CNGB1: variants seen among roughly 807,000 people sequenced by gnomAD.
CNGB1 encodes cyclic nucleotide gated channel subunit beta 1.
In CNGB1, 126 loss-of-function variants were observed where a neutral mutation model predicts 151.7. The ratio of observed to expected loss-of-function variants is 0.83; its 90% confidence interval spans 0.72 to 0.96. The LOEUF (loss-of-function observed/expected upper bound fraction) is 0.96, where lower values mean the gene tolerates loss of function less well. CNGB1 is among the 40% of genes least tolerant of loss of function. The probability of loss-of-function intolerance (pLI) is 0.00; values close to 1 mark genes in which losing one functional copy is unlikely to be tolerated. For synonymous variants in CNGB1, 623 were observed against 635.1 expected (o/e 0.98, Z 0.29); for missense variants, 1,698 against 1,627.0 (o/e 1.04, Z -0.75).
chr16:57,959,310 G>GA (rs775478486), intron 10 of CNGB1, among the ~76,000 whole-genome samples: 269 of 142,418 alleles, frequency 1.9e-3, no homozygotes, highest in Middle Eastern at 3.7e-3. Context: ...TTCAGGTTAA[G>GA]AAAAAAAAAA....
At chr16:57,897,093 A>G (rs1960249688) in intron 31 of CNGB1, among the ~76,000 whole-genome samples, 1 of 152,138 alleles carries the variant, frequency 6.6e-6, no homozygotes, top group Non-Finnish European at 1.5e-5. Flanking sequence ...TGAGCCCAGG[A>G]GTTTGATACC....
chr16:57,939,318 G>C, intron 16 of CNGB1, 112 bp downstream of exon 16: 1 of 1,477,582 alleles, frequency 6.8e-7, no homozygotes, highest in Non-Finnish European at 9.4e-7. Flanking sequence ...GGCAATGGGG[G>C]GAAGGAGATG....
rs539534716 is a variant in CNGB1, at chr16:57,931,728, G to A, written c.1523C>T (p.Ser508Leu). ...CATAAAAGGTAACCTGTGTGTCCCC[G>A]AGGCTGAGCTTGGGACTATAAGGGT... is the stretch of plus-strand genomic sequence containing the variant. The part of the protein sequence containing the change: ...SDTLIVPSSA[S>L]GTHRKKLPSE... Residue 508 changes from serine (S) to leucine (L), a missense_variant, in exon 17 of 33, where the codon TCG becomes TTG. Ser to Leu is a moderately radical substitution (Grantham distance 145, BLOSUM62 -2). Transcript: ENST00000251102. 43 of 1,614,122 alleles carry A rather than the reference G, an allele frequency of 2.7e-5. No individual in the cohort carries two copies. The East Asian group carries it at 7.1e-4, about 27-fold the overall frequency.
chr16:57,916,056 G>T, intron 22 of CNGB1, 73 bp downstream of exon 22: 1 of 1,428,002 alleles, frequency 7.0e-7, no homozygotes, highest in Non-Finnish European at 9.9e-7. Context: ...GAACGCCCCA[G>T]GCACCCAGGG....
At chr16:57,901,759 A>G (rs767572686) in intron 27 of CNGB1, 134 bp from the exon 28 acceptor site, 12 of 735,692 alleles carry the variant, frequency 1.6e-5, no homozygotes, top group African/African-American at 3.5e-5. Flanking sequence ...CTGGATTTGT[A>G]GTGCACCCTC....
chr16:57,907,009 T>C (rs1450702158), intron 25 of CNGB1, among the ~76,000 whole-genome samples: 2 of 152,222 alleles, frequency 1.3e-5, no homozygotes, highest in African/African-American at 4.8e-5. Flanking sequence ...AAAGTTGTTA[T>C]TCTTCATGCT....
Position 57,884,346 on chromosome 16 carries a change from G to A in CNGB1, c.3574C>T (p.Pro1192Ser), listed in dbSNP as rs758569244. 3.9e-6 allele frequency: 6 copies of A among 1,555,300 alleles called. No individual in the cohort carries two copies. The highest frequency in any genetic ancestry group is 3.7e-5 in the Admixed American group (2 of 53,542). Residue 1192 changes from proline (P) to serine (S), a missense_variant, in exon 33 of 33, where the codon CCC becomes TCC. Coordinates refer to ENST00000251102, the MANE Select transcript of CNGB1 (RefSeq NM_001297.5). ...GGAGAGCTCGGTGGAGACCCCGGGG[G>A]CTCGGGGGGCGTCCGGGGCGCGGGT... is the stretch of plus-strand genomic sequence containing the variant. ...DPPAPRTPPE[P>S]PGSPPSSPPP...
chr16:57,965,948 G>T (rs542776571), intron 2 of CNGB1, among the ~76,000 whole-genome samples: 1 of 152,100 alleles, frequency 6.6e-6, no homozygotes, highest in Admixed American at 6.5e-5. Context: ...GTACATATAC[G>T]TGTATATACA....
At chr16:57,918,297 A>T (rs1328796891) in intron 20 of CNGB1, among the ~76,000 whole-genome samples, 3 of 152,052 alleles carry the variant, frequency 2.0e-5, no homozygotes, top group African/African-American at 7.2e-5. Context: ...TAAAGAATCC[A>T]GTGGACACCA....
chr16:57,960,831 T>C lies in CNGB1; in HGVS notation c.534+9A>G. The C allele has an allele frequency of 6.2e-7, 1 of 1,613,574 alleles. No individual in the cohort carries two copies. Among genetic ancestry groups the C allele is most frequent in the Admixed American group, 1.7e-5 (1 of 59,974 alleles). ...ACTCAACTCCCTGCCTCTCCCTTCC[T>C]TGGCTCACCTCAGAGGATTTGGGGG... On this transcript the variant is annotated intron_variant, in intron 8 of 32. Transcript: ENST00000251102.
At chr16:57,968,324 C>A (rs1333945733) in intron 1 of CNGB1, among the ~76,000 whole-genome samples, 7 of 152,094 alleles carry the variant, frequency 4.6e-5, no homozygotes, top group Admixed American at 4.6e-4. Context: ...TGGGGAAGCC[C>A]CTTGTCTACT....
rs1358550811 is a variant in CNGB1, at chr16:57,905,596, C to T, written c.2493-721G>A. 2.6e-5 allele frequency among the ~76,000 whole-genome samples: 4 copies of T among 152,254 alleles called. No individual in the cohort carries two copies. The East Asian group carries it at 7.7e-4, about 29-fold the overall frequency. Reference sequence around the variant, plus strand: ...CTGAATGTGTCCCCCGAAATTCAGGCATTGGAAACTTAATTCCCAGTGCAA... The same window carrying T: ...CTGAATGTGTCCCCCGAAATTCAGGTATTGGAAACTTAATTCCCAGTGCAA... On this transcript the variant is annotated intron_variant, in intron 25 of 32. Coordinates refer to ENST00000251102, the MANE Select transcript of CNGB1 (RefSeq NM_001297.5).
intron 18 of CNGB1, among the ~76,000 whole-genome samples, chr16:57,920,891 C>T (rs1227968520): frequency 6.6e-6 from 1 of 152,168 alleles, no homozygotes; most frequent in Non-Finnish European, 1.5e-5. Context: ...CTGTTCATCC[C>T]AGTGCAGGGT....
chr16:57,905,228 T>C (rs1960514320), intron 25 of CNGB1, among the ~76,000 whole-genome samples: 1 of 152,232 alleles, frequency 6.6e-6, no homozygotes, highest in African/African-American at 2.4e-5. Context: ...TCAGTGTTCC[T>C]TCAATTTTCA....
intron 2 of CNGB1, 85 bp from the exon 3 acceptor site, chr16:57,964,629 T>A (rs1962345820): frequency 2.3e-6 from 3 of 1,315,784 alleles, no homozygotes; most frequent in Admixed American, 3.4e-5. Context: ...CCTCAAGGGA[T>A]CCCTGCCCCA....
chr16:57,954,583 C>T (rs1184813505), intron 12 of CNGB1: 8 of 768,716 alleles, frequency 1.0e-5, no homozygotes, highest in African/African-American at 1.9e-5. Flanking sequence ...AACCCAACAC[C>T]GCAAGCCCAG....
At chr16:57,930,220 G>T (rs1212398134) in intron 17 of CNGB1, among the ~76,000 whole-genome samples, 1 of 152,152 alleles carries the variant, frequency 6.6e-6, no homozygotes, top group African/African-American at 2.4e-5. Flanking sequence ...AATGTGGGCT[G>T]TGTTGGCAGC....
intron 31 of CNGB1, among the ~76,000 whole-genome samples, chr16:57,893,121 A>G (rs1190384351): frequency 6.6e-6 from 1 of 152,120 alleles, no homozygotes; most frequent in East Asian, 1.9e-4. Context: ...CAGTTTATTT[A>G]TGGTGTCATT....
At position 57,917,424 on chromosome 16, in the gene CNGB1, G is replaced by A; in HGVS notation, c.2010C>T (p.Asn670=). 3.7e-6 allele frequency: 6 copies of A among 1,614,188 alleles called. No individual in the cohort carries two copies. Among genetic ancestry groups the A allele is most frequent in the Non-Finnish European group, 5.1e-6 (6 of 1,180,034 alleles). The part of the protein sequence containing the change: ...LFFVVMAWNW[N]CWLIPVRWAF... Reference sequence around the variant, plus strand: ...CCCAGCGCACGGGAATCAGCCAACAGTTCCAATTCCAGGCCATCACCACGA... The same window carrying A: ...CCCAGCGCACGGGAATCAGCCAACAATTCCAATTCCAGGCCATCACCACGA... Residue 670 remains asparagine (N), a synonymous_variant, in exon 21 of 33, where the codon AAC becomes AAT. Coordinates refer to ENST00000251102, the MANE Select transcript of CNGB1 (RefSeq NM_001297.5).
Sources: gnomAD v4.1 joint callset for allele counts (sites outside exome capture counted in the v4.1 genomes callset) on GRCh38, gnomAD v4.1.1 for gene constraint, MANE v1.5 for transcripts, NCBI Gene and HGNC (gene_info 2026-07-23, HGNC 2026-07-21) for gene names.